Variants in KCNH3 observed in about 807,000 individuals in gnomAD.
KCNH3 encodes potassium voltage-gated channel subfamily H member 3.
KCNH3 carries 36 observed loss-of-function variants against 95.6 expected under a neutral mutation model. The ratio of observed to expected loss-of-function variants is 0.38; its 90% CI spans 0.29 to 0.50. KCNH3 has a LOEUF of 0.50. Ranked by LOEUF, KCNH3 falls within the 20% of genes least tolerant of loss-of-function variation. The pLI is 0.95. For synonymous variants in KCNH3, 620 were observed against 646.3 expected (o/e 0.96, Z 0.62); for missense variants, 1,030 against 1,484.1 (o/e 0.69, Z 5.03).
At chr12:49,550,915 T>A (rs1938236537) in intron 10 of KCNH3, among the ~76,000 whole-genome samples, 1 of 152,176 alleles carries the variant, frequency 6.6e-6, no homozygotes, top group Non-Finnish European at 1.5e-5. Flanking sequence ...ATGAAGAAAT[T>A]GCAGGTGTGG....
At position 49,542,744 on chromosome 12, in the gene KCNH3, G is replaced by C; in HGVS notation, c.484G>C (p.Gly162Arg). The change falls in exon 4 of 15, where the codon GGC becomes CGC. Residue 162 changes from glycine to arginine, a missense_variant. Gly to Arg is a moderately radical substitution (Grantham distance 125). This residue lies in a region of KCNH3 where 92 missense variants were observed against 92.7 expected (regional missense o/e 0.99). Transcript: ENST00000257981. ...CCGATATGGCCGGGCACGATCCAAA[G>C]GCTTCAATGCCAACCGGCGGCGGAG... is the stretch of plus-strand genomic sequence containing the variant. ...RRRYGRARSKGFNANRRRSRA... is the reference protein window; with the variant it reads ...RRRYGRARSKRFNANRRRSRA... The C allele has an allele frequency of 6.3e-7, 1 of 1,589,318 alleles. No homozygotes were observed. Among genetic ancestry groups the C allele is most frequent in the Non-Finnish European group, 8.6e-7 (1 of 1,168,768 alleles).
chr12:49,554,537 G>A lies in KCNH3; in HGVS notation c.2119G>A (p.Gly707Arg), dbSNP rs143761616. The change falls in exon 11 of 15, where the codon GGG becomes AGG. Residue 707 changes from glycine to arginine, a missense_variant. Physicochemically the swap from Gly to Arg is moderately radical, Grantham distance 125 (BLOSUM62 -2). Transcript: ENST00000257981. ...GGAGCTCAGCTACAACCTGGGTGCT[G>A]GGGGAGGCTCTGCAGAGGTGAGTGT... ...RGELSYNLGA[G>R]GGSAEVDTSS... is the part of the protein sequence containing the mutation. The A allele has an allele frequency of 3.1e-6, 5 of 1,612,728 alleles. No homozygotes were observed. In the African/African-American group the frequency reaches 5.3e-5, roughly 17 times the overall value.
Position 49,543,399 on chromosome 12 carries a change from C to T in KCNH3, c.704C>T (p.Thr235Ile), listed in dbSNP as rs2138141014. Residue 235 changes from threonine (T) to isoleucine (I), a missense_variant, in exon 5 of 15, where the codon ACA (threonine) becomes ATA (isoleucine). By Grantham distance (89) the Thr-to-Ile change is moderately conservative (BLOSUM62 -1). Coordinates refer to ENST00000257981, the MANE Select transcript of KCNH3 (RefSeq NM_012284.3). ...TGGGATGGCTTCATCCTGCTCGCCA[C>T]ACTCTATGTGGCTGTCACTGTGCCC... Reference protein sequence around the residue: ...ATWDGFILLATLYVAVTVPYS... With the variant: ...ATWDGFILLAILYVAVTVPYS... 6.2e-7 allele frequency: 1 copy of T among 1,611,448 alleles called. No individual in the cohort carries two copies. The highest frequency in any genetic ancestry group is 8.5e-7 in the Non-Finnish European group (1 of 1,180,022).
Position 49,558,082 on chromosome 12 carries a change from T to C in KCNH3, c.*129T>C. The C allele has an allele frequency of 1.8e-6, 2 of 1,113,440 alleles. No homozygotes were observed. The highest frequency in any genetic ancestry group is 2.7e-5 in the East Asian group (1 of 36,648). The allele number at this position is 1,113,440 out of a possible 1,614,324, so 69.0% of individuals were successfully genotyped here. A position where few individuals can be genotyped will look rare whatever the true frequency, so the allele number is the denominator to read the frequency against. ...GCCCGCTGGCTCAGGGCAGGGAGCCTGGAAGCAAAGGAGGACCTGGCTCCT... is the reference window on the plus strand; with the variant it reads ...GCCCGCTGGCTCAGGGCAGGGAGCCCGGAAGCAAAGGAGGACCTGGCTCCT... On this transcript the variant is annotated 3_prime_UTR_variant, in exon 15 of 15. Coordinates refer to ENST00000257981, the MANE Select transcript of KCNH3 (RefSeq NM_012284.3).
rs3815832 is a variant in KCNH3, at chr12:49,554,322, A to G, written c.1919-15A>G. 0.12 allele frequency: 199,622 copies of G among 1,609,360 alleles called. 17,040 individuals carry two copies. Among genetic ancestry groups the G allele is most frequent in the African/African-American group, 0.46 (34,213 of 74,876 alleles). On this transcript the variant is annotated splice_polypyrimidine_tract_variant and intron_variant, in intron 10 of 14. Coordinates refer to ENST00000257981, the MANE Select transcript of KCNH3 (RefSeq NM_012284.3). The stretch of plus-strand genomic sequence containing the variant: ...AAGCTCTCAGGGCTTGCTGACCTCT[A>G]CTTCCTCTCCCCAGGGAAGGGCGAC...
chr12:49,540,623 A>G (rs990004179), intron 1 of KCNH3, among the ~76,000 whole-genome samples: 1 of 152,190 alleles, frequency 6.6e-6, no homozygotes, highest in African/African-American at 2.4e-5. Context: ...CACATTGCTC[A>G]GGACACCCTC....
intron 8 of KCNH3, 101 bp downstream of exon 8, chr12:49,549,274 C>T (rs1429220965): frequency 6.8e-7 from 1 of 1,474,268 alleles, no homozygotes; most frequent in African/African-American, 1.4e-5. Flanking sequence ...GGGGCTCTTC[C>T]GCTTTAGGTG....
chr12:49,549,640 G>A lies in KCNH3; in HGVS notation c.1668G>A (p.Glu556=). The part of the protein sequence containing the change: ...WAVNNGIDTT[E]LLQSLPDELR... ...TGAACAATGGCATCGACACCACCGA[G>A]GTGCGGCCTCCGGGGCTGGGCCTGC... The change falls in exon 9 of 15, where the codon GAG becomes GAA. Residue 556 remains glutamate (E), a splice_region_variant and synonymous_variant. Transcript: ENST00000257981. The A allele has an allele frequency of 6.2e-7, 1 of 1,607,564 alleles. No individual in the cohort carries two copies. The highest frequency in any genetic ancestry group is 8.5e-7 in the Non-Finnish European group (1 of 1,179,706).
intron 7 of KCNH3, among the ~76,000 whole-genome samples, chr12:49,545,801 TCTCTCC>T (rs1938042751): frequency 6.6e-6 from 1 of 152,000 alleles, no homozygotes; most frequent in South Asian, 2.1e-4. Flanking sequence ...CTGTGAATCC[TCTCTCC>T]CTCTGCAAGC....
Position 49,557,962 on chromosome 12 carries a change from C to G in KCNH3, c.*9C>G. The G allele has an allele frequency of 6.8e-7, 1 of 1,469,184 alleles. No individual in the cohort carries two copies. The highest frequency in any genetic ancestry group is 9.0e-7 in the Non-Finnish European group (1 of 1,107,842). The allele number at this position is 1,469,184 out of a possible 1,614,324, so 91.0% of individuals were successfully genotyped here. ...AAGGCACAGGGGTCTGAGTACCAGC[C>G]CTAGAACTCAGCGTTGCCAGGTGTG... On this transcript the variant is annotated 3_prime_UTR_variant, in exon 15 of 15. Transcript: ENST00000257981.
intron 11 of KCNH3, among the ~76,000 whole-genome samples, chr12:49,555,132 AG>A (rs1309368584): frequency 6.6e-6 from 1 of 152,052 alleles, no homozygotes; most frequent in Admixed American, 6.6e-5. Context: ...GGCTTTAGAT[AG>A]ATTATAGATT....
At chr12:49,545,659 G>A (rs1034067432) in intron 7 of KCNH3, among the ~76,000 whole-genome samples, 2 of 152,022 alleles carry the variant, frequency 1.3e-5, no homozygotes, top group Admixed American at 1.3e-4. Context: ...CCAAAGTGCT[G>A]GGATTACAGG....
intron 6 of KCNH3, 48 bp from the exon 7 acceptor site, chr12:49,544,127 C>A: frequency 6.2e-7 from 1 of 1,603,534 alleles, no homozygotes. Flanking sequence ...ACAGGCAGGG[C>A]CGGCCCGCTG....
chr12:49,545,198 T>G (rs905838096), intron 7 of KCNH3, among the ~76,000 whole-genome samples: 1 of 152,090 alleles, frequency 6.6e-6, no homozygotes, highest in African/African-American at 2.4e-5. Flanking sequence ...CCCCTTCACC[T>G]TGCTTTCCCT....
intron 10 of KCNH3, among the ~76,000 whole-genome samples, chr12:49,552,530 T>C (rs1314118043): frequency 6.6e-6 from 1 of 152,228 alleles, no homozygotes; most frequent in East Asian, 1.9e-4. Context: ...TTTGCCTTCA[T>C]ACCTACCCTC....
chr12:49,548,389 C>T (rs915368853), intron 7 of KCNH3, among the ~76,000 whole-genome samples: 1 of 151,912 alleles, frequency 6.6e-6, no homozygotes, highest in African/African-American at 2.4e-5. Flanking sequence ...TGCTTGGCAC[C>T]TGTGTGTGAG....
rs1482907579 is a variant in KCNH3, at chr12:49,555,839, G to A, written c.2356G>A (p.Gly786Ser). 6.2e-7 allele frequency: 1 copy of A among 1,613,122 alleles called. No individual in the cohort carries two copies. The highest frequency in any genetic ancestry group is 1.1e-5 in the South Asian group (1 of 91,004). Residue 786 changes from glycine (G) to serine (S), a missense_variant, in exon 12 of 15, where the codon GGC becomes AGC. By Grantham distance (56) the Gly-to-Ser change is moderately conservative. Around this residue, in one of 9 missense-constraint regions of KCNH3, gnomAD observed 464 missense variants for 493.2 expected, o/e 0.94. Coordinates refer to ENST00000257981, the MANE Select transcript of KCNH3 (RefSeq NM_012284.3). ...RPRLGGRGRP[G>S]RAGALKAEAG... ...TCGTCTAGGTGGCAGAGGGAGGCCA[G>A]GCAGGGCAGGGGCTTTGAAGGCTGA...
At chr12:49,551,574 C>CAAAAAAAAAAAAA (rs59344956) in intron 10 of KCNH3, among the ~76,000 whole-genome samples, 1 of 57,554 alleles carries the variant, frequency 1.7e-5, no homozygotes, top group Non-Finnish European at 3.8e-5. Context: ...GACTCTGTCT[C>CAAAAAAAAAAAAA]AAAAAAAAAA....
At chr12:49,554,930 G>T (rs1009620030) in intron 11 of KCNH3, among the ~76,000 whole-genome samples, 8 of 152,270 alleles carry the variant, frequency 5.3e-5, no homozygotes, top group African/African-American at 1.9e-4. Flanking sequence ...GGCCCCCTGT[G>T]TTTTTTCATG....
Sources: allele counts gnomAD v4.1 joint callset (sites outside exome capture counted in the v4.1 genomes callset), GRCh38; gene constraint gnomAD v4.1.1; regional missense constraint gnomAD v4.1.1; transcripts MANE v1.5; gene names NCBI Gene and HGNC (gene_info 2026-07-23, HGNC 2026-07-21).